Variants in DTNA observed in about 807,000 individuals in gnomAD.
DTNA encodes dystrophin-related protein 3.
A neutral mutation model predicts 100.7 loss-of-function variants in DTNA; 43 were observed. The observed-to-expected ratio is 0.43, with a 90% CI of 0.33 to 0.55. The LOEUF (loss-of-function observed/expected upper bound fraction) is 0.55. DTNA is among the 20% of genes least tolerant of loss of function. The pLI is 0.04. For synonymous variants in DTNA, 349 were observed against 347.9 expected (o/e 1.00, Z -0.04); for missense variants, 798 against 953.9 (o/e 0.84, Z 2.15).
chr18:34,772,738 G>C (rs566601896), intron 3 of DTNA, among the ~76,000 whole-genome samples: 1 of 152,290 alleles, frequency 6.6e-6, no homozygotes, highest in African/African-American at 2.4e-5. Context: ...AAATTTAGCA[G>C]CTTAAAGAAG....
intron 4 of DTNA, 51 bp from the exon 5 acceptor site, chr18:34,806,168 A>ATGGTT (rs1424795252): frequency 6.6e-7 from 1 of 1,508,860 alleles, no homozygotes. Context: ...AAATGACATC[A>ATGGTT]TGGTTTTGTT....
At chr18:34,657,973 A>G (rs2074631236) in intron 1 of DTNA, among the ~76,000 whole-genome samples, 1 of 152,232 alleles carries the variant, frequency 6.6e-6, no homozygotes. Context: ...CATAAAAATT[A>G]AAGTCAGTAG....
intron 1 of DTNA, among the ~76,000 whole-genome samples, chr18:34,642,596 G>C (rs907739626): frequency 2.7e-5 from 4 of 149,278 alleles, no homozygotes; most frequent in Non-Finnish European, 1.5e-5. Flanking sequence ...GTCTCGCTCT[G>C]TTGCCAGGCT....
intron 2 of DTNA, among the ~76,000 whole-genome samples, chr18:34,761,126 TCA>T (rs6146260): frequency 0.071 from 10,493 of 148,564 alleles, 501 homozygotes; most frequent in African/African-American, 0.14. Flanking sequence ...CCTCCATCCT[TCA>T]CACACACACA....
chr18:34,496,417 C>T (rs2039235115), intron 1 of DTNA, among the ~76,000 whole-genome samples: 1 of 152,172 alleles, frequency 6.6e-6, no homozygotes, highest in Admixed American at 6.5e-5. Context: ...GTGATACATA[C>T]ATATATCCTT....
intron 1 of DTNA, among the ~76,000 whole-genome samples, chr18:34,694,704 T>G (rs575060926): frequency 6.6e-6 from 1 of 152,288 alleles, no homozygotes; most frequent in Admixed American, 6.5e-5. Flanking sequence ...AACGGGTTTT[T>G]ATTATATCAT....
intron 1 of DTNA, among the ~76,000 whole-genome samples, chr18:34,664,535 G>A (rs1286547567): frequency 1.3e-5 from 2 of 152,068 alleles, no homozygotes; most frequent in African/African-American, 4.8e-5. Flanking sequence ...TGAATGCTGG[G>A]TTATACAATG....
rs144776465 is a variant in DTNA, at chr18:34,848,353, G to C, written c.1404G>C (p.Ala468=). The C allele has an allele frequency of 6.2e-7, 1 of 1,613,998 alleles. No individual in the cohort carries two copies. The part of the protein sequence containing the change: ...DEEHRLIARY[A]ARLAAESSSS... ...AACACAGGCTAATTGCCAGGTATGC[G>C]GCAAGGCTGGCAGCAGAGTCCTCTT... The change falls in exon 14 of 23, where the codon GCG becomes GCC. Residue 468 remains alanine (A), a synonymous_variant. Transcript: ENST00000444659.
chr18:34,597,471 C>T (rs1467263662), intron 1 of DTNA, among the ~76,000 whole-genome samples: 4 of 152,172 alleles, frequency 2.6e-5, no homozygotes, highest in Non-Finnish European at 5.9e-5. Context: ...CATCCACACC[C>T]TCACCCTGCC....
intron 1 of DTNA, among the ~76,000 whole-genome samples, chr18:34,555,681 C>T (rs1001713452): frequency 5.9e-5 from 9 of 151,970 alleles, no homozygotes; most frequent in South Asian, 2.1e-4. Flanking sequence ...TGTAGTTGAG[C>T]GGTTTTGAGT....
At chr18:34,507,950 T>G (rs2040659327) in intron 1 of DTNA, among the ~76,000 whole-genome samples, 1 of 152,214 alleles carries the variant, frequency 6.6e-6, no homozygotes, top group Admixed American at 6.6e-5. Flanking sequence ...ATATTTAACA[T>G]TTTATGTGCT....
chr18:34,796,371 A>T (rs754692161), intron 4 of DTNA, among the ~76,000 whole-genome samples: 1 of 152,250 alleles, frequency 6.6e-6, no homozygotes, highest in Non-Finnish European at 1.5e-5. Context: ...TTCAAATTCT[A>T]TTTCTTATAA....
chr18:34,678,530 C>A lies in DTNA; in HGVS notation c.-1-77446C>A, dbSNP rs187149864. On this transcript the variant is annotated intron_variant, in intron 1 of 19. Transcript: ENST00000283365. ...TGTGTCCCTCCTCCCCACACTTTTC[C>A]TTCATCTTAACATGAGATTTCCTAA... is the stretch of plus-strand genomic sequence containing the variant. 2.0e-5 allele frequency among the ~76,000 whole-genome samples: 3 copies of A among 152,248 alleles called. No individual in the cohort carries two copies. In the East Asian group the frequency reaches 5.8e-4, roughly 30 times the overall value.
intron 15 of DTNA, among the ~76,000 whole-genome samples, chr18:34,852,618 G>T (rs1196215160): frequency 6.6e-6 from 1 of 152,082 alleles, no homozygotes; most frequent in Admixed American, 6.5e-5. Flanking sequence ...CACCTGCAAG[G>T]TCTTACCTGA....
rs2096941617 is a variant in DTNA, at chr18:34,888,470, C to T, written c.*736C>T. On this transcript the variant is annotated 3_prime_UTR_variant, in exon 23 of 23. Coordinates refer to ENST00000444659, the MANE Select transcript of DTNA (RefSeq NM_001386795.1). ...TAATCCATTCTTTGGGGCCTCTTTCCAACTCGAGGTTGTTTTCTTTCAAGA... is the reference window on the plus strand; with the variant it reads ...TAATCCATTCTTTGGGGCCTCTTTCTAACTCGAGGTTGTTTTCTTTCAAGA... 1.0e-6 allele frequency: 1 copy of T among 985,782 alleles called. No individual in the cohort carries two copies. The highest frequency in any genetic ancestry group is 1.2e-6 in the Non-Finnish European group (1 of 829,926). 61.1% of individuals were successfully genotyped at this position (985,782 alleles called of 1,614,324 possible).
At chr18:34,828,182 A>G (rs930958979) in intron 10 of DTNA, among the ~76,000 whole-genome samples, 2 of 152,202 alleles carry the variant, frequency 1.3e-5, no homozygotes, top group Non-Finnish European at 2.9e-5. Context: ...CACGATAATA[A>G]TAAGAACTTT....
At chr18:34,737,097 A>G (rs543150232) in intron 1 of DTNA, among the ~76,000 whole-genome samples, 1 of 152,304 alleles carries the variant, frequency 6.6e-6, no homozygotes, top group African/African-American at 2.4e-5. Context: ...GGATATTTGG[A>G]TTCTTTGAAA....
intron 1 of DTNA, among the ~76,000 whole-genome samples, chr18:34,530,443 C>T (rs1347296230): frequency 6.6e-6 from 1 of 151,924 alleles, no homozygotes; most frequent in Non-Finnish European, 1.5e-5. Context: ...GTGTTCATTC[C>T]TTTGAAATCA....
chr18:34,709,376 C>T (rs911987238), upstream of DTNA: 5 of 152,184 alleles, frequency 3.3e-5, no homozygotes, highest in Non-Finnish European at 5.9e-5. Flanking sequence ...AAGTAGCCAT[C>T]CCTGGAGGAC....
Sources: gnomAD v4.1 joint callset for allele counts (sites outside exome capture counted in the v4.1 genomes callset) on GRCh38, gnomAD v4.1.1 for gene constraint, MANE v1.5 for transcripts, NCBI Gene and HGNC (gene_info 2026-07-23, HGNC 2026-07-21) for gene names.